The following SEMA6B variants were observed in gnomAD, a reference collection of about 807,000 sequenced individuals.
The protein encoded by SEMA6B is semaphorin 6B, also known as semaphorin-6B.
Under a neutral mutation model 78.6 loss-of-function variants are expected in SEMA6B, and 47 were observed. The observed-to-expected ratio is 0.60, with a 90% CI of 0.47 to 0.76. The LOEUF (loss-of-function observed/expected upper bound fraction) is 0.76. SEMA6B is among the 30% of genes least tolerant of loss of function. The pLI, the probability that SEMA6B is intolerant of heterozygous loss-of-function variation, is 0.00. For synonymous variants in SEMA6B, 632 were observed against 592.2 expected (o/e 1.07, Z -0.98); for missense variants, 1,213 against 1,269.9 (o/e 0.96, Z 0.68).
In SEMA6B at chr19:4,558,312, CG is replaced by C; in HGVS notation, c.121+24del. On this transcript the variant is annotated intron_variant, in intron 2 of 16. Coordinates refer to ENST00000586582, the MANE Select transcript of SEMA6B (RefSeq NM_032108.4). This position sits in a 1 kb window ranked among gnomAD's most constrained non-coding sequence, Gnocchi z 5.1. ...AGATACTCCCACGGGACTCCACCCCCGCCCAAAGACACCCCCAGACTCACAG... is the reference window on the plus strand; with the variant it reads ...AGATACTCCCACGGGACTCCACCCCCCCCAAAGACACCCCCAGACTCACAG... 7.6e-7 allele frequency: 1 copy of C among 1,315,882 alleles called. No homozygotes were observed. The highest frequency in any genetic ancestry group is 9.8e-7 in the Non-Finnish European group (1 of 1,022,956). 81.5% of individuals were successfully genotyped at this position (1,315,882 alleles called of 1,614,324 possible).
At position 4,542,871 on chromosome 19, in the gene SEMA6B, A is replaced by T; in HGVS notation, c.*730T>A. ...GCCCTCCTCGTGTCTCCTGCCTGAAACCCCGGCATTGTCCCCGCTTCCCTC... is the reference window on the plus strand; with the variant it reads ...GCCCTCCTCGTGTCTCCTGCCTGAATCCCCGGCATTGTCCCCGCTTCCCTC... On this transcript the variant is annotated 3_prime_UTR_variant, in exon 17 of 17. Coordinates refer to ENST00000586582, the MANE Select transcript of SEMA6B (RefSeq NM_032108.4). 1 of 700,694 alleles carries T rather than the reference A, an allele frequency of 1.4e-6. No homozygotes were observed. 43.4% of individuals were successfully genotyped at this position (700,694 alleles called of 1,614,324 possible).
Position 4,548,107 on chromosome 19 carries a change from C to T in SEMA6B, c.1521G>A (p.Ser507=), listed in dbSNP as rs1034010028. The change falls in exon 14 of 17, where the codon TCG becomes TCA. Residue 507 remains serine, a synonymous_variant. Transcript: ENST00000586582. ...RLLSLELDAA[S]GGLLAAFPRC... ...GGGGGAAGGCAGCCAGCAGGCCCCC[C>T]GAAGCTGCGTCCAGCTCCAAGCTCA... 6 of 1,590,718 alleles carry T rather than the reference C, an allele frequency of 3.8e-6. No individual in the cohort carries two copies. Among genetic ancestry groups the T allele is most frequent in the East Asian group, 2.3e-5 (1 of 44,346 alleles).
intron 10 of SEMA6B, 72 bp from the exon 11 acceptor site, chr19:4,551,002 CCT>C (rs1178838446): frequency 3.2e-6 from 5 of 1,550,688 alleles, no homozygotes; most frequent in South Asian, 1.1e-5. Flanking sequence ...CGTGCAGGAG[CCT>C]CTGTCTGCAG....
In SEMA6B at chr19:4,555,381, G is replaced by C. The variant is rs1977439790; in HGVS notation, c.562+93C>G. 3.5e-6 allele frequency: 4 copies of C among 1,152,608 alleles called. No individual in the cohort carries two copies. The allele number at this position is 1,152,608 out of a possible 1,614,324, so 71.4% of individuals were successfully genotyped here. ...CACAGCTGGGACAAGTGGTCGTCCA[G>C]CTGCCTTCTAAACAACCCAGACGCT... is the stretch of plus-strand genomic sequence containing the variant. On this transcript the variant is annotated intron_variant, in intron 7 of 16. Transcript: ENST00000586582. The surrounding 1 kb of genome is among the most constrained non-coding windows in gnomAD (Gnocchi z 6.1).
In SEMA6B at chr19:4,543,036, C is replaced by T. The variant is rs78237691; in HGVS notation, c.*565G>A. 242 of 674,042 alleles carry T rather than the reference C, an allele frequency of 3.6e-4. 3 individuals are homozygous for T. The African/African-American group carries it at 4.0e-3, about 11-fold the overall frequency. The allele number at this position is 674,042 out of a possible 1,614,324, so 41.8% of individuals were successfully genotyped here. ...CGCTCGTGGACACACACCCTGCACG[C>T]GTGGCCCACTTGACACACACGCCCA... is the stretch of plus-strand genomic sequence containing the variant. On this transcript the variant is annotated 3_prime_UTR_variant, in exon 17 of 17. Coordinates refer to ENST00000586582, the MANE Select transcript of SEMA6B (RefSeq NM_032108.4).
chr19:4,557,541 C>G (rs1977505864), intron 3 of SEMA6B, among the ~76,000 whole-genome samples: 1 of 152,214 alleles, frequency 6.6e-6, no homozygotes. Context: ...AGGAAGCCGC[C>G]CTGCTCAACG....
At chr19:4,545,872 C>T (rs999341221) in intron 16 of SEMA6B, 5 of 185,660 alleles carry the variant, frequency 2.7e-5, no homozygotes, top group Non-Finnish European at 4.6e-5. Context: ...CCCGGATTCA[C>T]GCCATTCTCC....
intron 5 of SEMA6B, 73 bp from the exon 6 acceptor site, chr19:4,556,162 G>C: frequency 9.5e-7 from 1 of 1,057,258 alleles, no homozygotes; most frequent in Non-Finnish European, 1.5e-6. Context: ...GCCAGAACCT[G>C]AGTTGTGTGG....
At position 4,544,308 on chromosome 19, in the gene SEMA6B, G is replaced by T; in HGVS notation, c.1960C>A (p.Leu654Met). Reference sequence around the variant, plus strand: ...GGACCCTGCGCCCTGCGCTCGCCCAGGCGGCTGACGCTCAGCACCGCCTCG... The same window carrying T: ...GGACCCTGCGCCCTGCGCTCGCCCATGCGGCTGACGCTCAGCACCGCCTCG... Reference protein sequence around the residue: ...AGEAVLSVSRLGERRAQGPGG... With the variant: ...AGEAVLSVSRMGERRAQGPGG... The change falls in exon 17 of 17, where the codon CTG (leucine) becomes ATG (methionine). Residue 654 changes from leucine to methionine, a missense_variant. Transcript: ENST00000586582. This position sits in a 1 kb window ranked among gnomAD's most constrained non-coding sequence, Gnocchi z 5.1. 1 of 1,480,046 alleles carries T rather than the reference G, an allele frequency of 6.8e-7. No homozygotes were observed. The highest frequency in any genetic ancestry group is 8.9e-7 in the Non-Finnish European group (1 of 1,120,902). 91.7% of individuals were successfully genotyped at this position (1,480,046 alleles called of 1,614,324 possible). A position where few individuals can be genotyped will look rare whatever the true frequency, so the allele number is the denominator to read the frequency against.
chr19:4,555,378 C>T lies in SEMA6B; in HGVS notation c.562+96G>A, dbSNP rs548913117. 41 of 1,120,902 alleles carry T rather than the reference C, an allele frequency of 3.7e-5. No individual in the cohort carries two copies. The Middle Eastern group carries it at 1.0e-3, about 28-fold the overall frequency. 69.4% of individuals were successfully genotyped at this position (1,120,902 alleles called of 1,614,324 possible). ...TGTCACAGCTGGGACAAGTGGTCGT[C>T]CAGCTGCCTTCTAAACAACCCAGAC... On this transcript the variant is annotated intron_variant, in intron 7 of 16. Transcript: ENST00000586582. This position sits in a 1 kb window ranked among gnomAD's most constrained non-coding sequence, Gnocchi z 6.1.
In SEMA6B at chr19:4,554,939, C is replaced by T. The variant is rs764820801; in HGVS notation, c.682+37G>A. On this transcript the variant is annotated intron_variant, in intron 8 of 16. Transcript: ENST00000586582. ...TTTGATGAATGTCAGGTTCTGGGCC[C>T]TGCCAGGTCTGGGCCCACTGCCCTT... The T allele has an allele frequency of 6.2e-6, 10 of 1,606,158 alleles. No homozygotes were observed. The South Asian group carries it at 9.9e-5, about 16-fold the overall frequency.
intron 8 of SEMA6B, 145 bp from the exon 9 acceptor site, chr19:4,554,621 G>GCAGGGGAAGGGAGGT (rs1043588630): frequency 1.0e-5 from 7 of 667,406 alleles, no homozygotes; most frequent in Admixed American, 2.7e-5. Context: ...TTGGTATTTT[G>GCAGGGGAAGGGAGGT]CAGGGGAAGG....
chr19:4,559,271 A>G (rs1159335796), intron 1 of SEMA6B, among the ~76,000 whole-genome samples: 2 of 151,558 alleles, frequency 1.3e-5, no homozygotes. Context: ...CCCCATGCCA[A>G]GGGCCTCTGT....
At position 4,543,505 on chromosome 19, in the gene SEMA6B, C is replaced by A. The variant is rs1425256801; in HGVS notation, c.*96G>T. The A allele has an allele frequency of 5.5e-6, 3 of 545,996 alleles. No individual in the cohort carries two copies. The highest frequency in any genetic ancestry group is 3.9e-5 in the African/African-American group (2 of 51,186). 33.8% of individuals were successfully genotyped at this position (545,996 alleles called of 1,614,324 possible). The stretch of plus-strand genomic sequence containing the variant: ...GTGGGTCGCGGGGGGGACTTGAGCA[C>A]CCACTCGGAGTTGCCCCGGGCCCCG... On this transcript the variant is annotated 3_prime_UTR_variant, in exon 17 of 17. Coordinates refer to ENST00000586582, the MANE Select transcript of SEMA6B (RefSeq NM_032108.4).
rs1480748291 is a variant in SEMA6B at position 4,552,463 on chromosome 19, G to A, written c.948C>T (p.Gly316=). ...AAAAAACGGCCAGGACCACGGGCCGGCCCCCGAGGCTGACCACGCCCGTGA... is the reference window on the plus strand; with the variant it reads ...AAAAAACGGCCAGGACCACGGGCCGACCCCCGAGGCTGACCACGCCCGTGA... ...QAVTGVVSLG[G]RPVVLAVFST... Residue 316 remains glycine (G), a synonymous_variant, in exon 10 of 17, where the codon GGC becomes GGT. Coordinates refer to ENST00000586582, the MANE Select transcript of SEMA6B (RefSeq NM_032108.4). This position sits in a 1 kb window ranked among gnomAD's most constrained non-coding sequence, Gnocchi z 7.4. The A allele has an allele frequency of 3.1e-6, 5 of 1,606,310 alleles. No homozygotes were observed. The South Asian group carries it at 5.6e-5, about 18-fold the overall frequency.
At chr19:4,559,417 C>G in intron 1 of SEMA6B, 113 bp downstream of exon 1, 1 of 152,132 alleles carries the variant, frequency 6.6e-6, no homozygotes, top group East Asian at 1.9e-4. Context: ...GCAGAAACTT[C>G]TAGGTGTGTG....
At chr19:4,547,148 T>TA (rs1473368917) in intron 14 of SEMA6B, among the ~76,000 whole-genome samples, 4 of 151,602 alleles carry the variant, frequency 2.6e-5, no homozygotes, top group Non-Finnish European at 5.9e-5. Flanking sequence ...TTTTTTTTTT[T>TA]AGAGACAGGC....
rs750796918 is a variant in SEMA6B at position 4,544,277 on chromosome 19, C to A, written c.1991G>T (p.Gly664Val). The A allele has an allele frequency of 2.3e-6, 3 of 1,319,812 alleles. No individual in the cohort carries two copies. Among genetic ancestry groups the A allele is most frequent in the African/African-American group, 3.1e-5 (2 of 64,354 alleles). The allele number at this position is 1,319,812 out of a possible 1,614,324, so 81.8% of individuals were successfully genotyped here. The part of the protein sequence containing the change: ...LGERRAQGPG[G>V]RGGGGGGGAG... ...GCCACCGCCACCGCCTCCGCCCCGGCCCCCGGGACCCTGCGCCCTGCGCTC... is the reference window on the plus strand; with the variant it reads ...GCCACCGCCACCGCCTCCGCCCCGGACCCCGGGACCCTGCGCCCTGCGCTC... The change falls in exon 17 of 17, where the codon GGC becomes GTC. Residue 664 changes from glycine (G) to valine (V), a missense_variant. Transcript: ENST00000586582. This position sits in a 1 kb window ranked among gnomAD's most constrained non-coding sequence, Gnocchi z 5.1.
At position 4,555,422 on chromosome 19, in the gene SEMA6B, A is replaced by G. The variant is rs1455057967; in HGVS notation, c.562+52T>C. The G allele has an allele frequency of 2.7e-6, 4 of 1,487,318 alleles. No individual in the cohort carries two copies. The East Asian group carries it at 6.9e-5, about 26-fold the overall frequency. The allele number at this position is 1,487,318 out of a possible 1,614,324, so 92.1% of individuals were successfully genotyped here. A position where few individuals can be genotyped will look rare whatever the true frequency, so the allele number is the denominator to read the frequency against. ...CCCAGACGCTGGAGTAGAAAATGCC[A>G]GGTCTTGCCTGTGGCTGGGGCTGAT... On this transcript the variant is annotated intron_variant, in intron 7 of 16. Coordinates refer to ENST00000586582, the MANE Select transcript of SEMA6B (RefSeq NM_032108.4). This position sits in a 1 kb window ranked among gnomAD's most constrained non-coding sequence, Gnocchi z 6.1.
Sources: allele counts gnomAD v4.1 joint callset (sites outside exome capture counted in the v4.1 genomes callset), GRCh38; gene constraint gnomAD v4.1.1; non-coding constraint Gnocchi (gnomAD v3.1); transcripts MANE v1.5; gene names NCBI Gene and HGNC (gene_info 2026-07-23, HGNC 2026-07-21).